HEXB: variants seen among roughly 807,000 people sequenced by gnomAD.
HEXB encodes hexosaminidase subunit beta.
In HEXB, 51 loss-of-function variants were observed where a neutral mutation model predicts 71.2. The observed-to-expected ratio is 0.72, with a 90% CI of 0.57 to 0.90. The LOEUF (loss-of-function observed/expected upper bound fraction) is 0.90. HEXB is among the 40% of genes least tolerant of loss of function. The pLI is 0.00. For synonymous variants in HEXB, 266 were observed against 249.3 expected (o/e 1.07, Z -0.63); for missense variants, 617 against 677.0 (o/e 0.91, Z 0.98).
chr5:74,677,490 C>CTTCT (rs764121943), intron 1 of HEXB, among the ~76,000 whole-genome samples: 10 of 77,278 alleles, frequency 1.3e-4, no homozygotes, highest in African/African-American at 8.6e-5. Flanking sequence ...TCTTCTTCTT[C>CTTCT]TTTTTTTTTT....
chr5:74,670,619 C>T (rs1287490188), intron 1 of HEXB, among the ~76,000 whole-genome samples: 4 of 152,328 alleles, frequency 2.6e-5, no homozygotes, highest in Middle Eastern at 3.4e-3. Context: ...GGGCAAGATG[C>T]TAACAGAACT....
At chr5:74,659,375 C>T (rs1418557389) in intron 1 of HEXB, among the ~76,000 whole-genome samples, 1 of 152,154 alleles carries the variant, frequency 6.6e-6, no homozygotes, top group Non-Finnish European at 1.5e-5. Context: ...CACACAATCC[C>T]CAGTGCAGGG....
At position 74,716,693 on chromosome 5, in the gene HEXB, A is replaced by G. The variant is rs1177173742; in HGVS notation, c.1169+20A>G. ...TCAAAAGTAAGTTGTTTGAAAGCCT[A>G]TTTCTGTATTAATGCTTTTTGTAAA... On this transcript the variant is annotated intron_variant, in intron 9 of 13. Coordinates refer to ENST00000261416, the MANE Select transcript of HEXB (RefSeq NM_000521.4). 4.3e-6 allele frequency: 6 copies of G among 1,400,154 alleles called. No homozygotes were observed. In the East Asian group the frequency reaches 1.4e-4, roughly 32 times the overall value. 86.7% of individuals were successfully genotyped at this position (1,400,154 alleles called of 1,614,324 possible).
rs189557217 is a variant in HEXB at position 74,657,136 on chromosome 5, G to T, written c.-377+16578G>T. On this transcript the variant is annotated intron_variant, in intron 1 of 13. Transcript: ENST00000511181. ...ACACAGAACCTCCCAGACTGTTGGT[G>T]GGGAGGGGTCGTGTGTGTGAATTTT... Among the ~76,000 whole-genome samples, 3 of 152,196 alleles carry T rather than the reference G, an allele frequency of 2.0e-5. No individual in the cohort carries two copies. The East Asian group carries it at 5.8e-4, about 29-fold the overall frequency.
At chr5:74,649,622 T>C (rs941852136) in intron 1 of HEXB, among the ~76,000 whole-genome samples, 3 of 152,236 alleles carry the variant, frequency 2.0e-5, no homozygotes, top group Admixed American at 1.3e-4. Context: ...AGTGGATTTC[T>C]AAGAAATGAT....
At chr5:74,689,635 C>T in intron 2 of HEXB, 162 bp downstream of exon 2, 1 of 685,516 alleles carries the variant, frequency 1.5e-6, no homozygotes, top group Non-Finnish European at 2.6e-6. Flanking sequence ...AAAAGTAGTA[C>T]ATAGTCTTTG....
chr5:74,656,858 C>T (rs542256879), intron 1 of HEXB, among the ~76,000 whole-genome samples: 118 of 152,270 alleles, frequency 7.7e-4, no homozygotes, highest in Non-Finnish European at 1.2e-3. Flanking sequence ...GTGATCCACC[C>T]GCCTCAGCCT....
At position 74,689,389 on chromosome 5, in the gene HEXB, A is replaced by G; in HGVS notation, c.361A>G (p.Lys121Glu). The G allele has an allele frequency of 6.2e-7, 1 of 1,612,064 alleles. No homozygotes were observed. Among genetic ancestry groups the G allele is most frequent in the Non-Finnish European group, 8.5e-7 (1 of 1,178,096 alleles). ...WHHEPAEFQA[K>E]TQVQQLLVSI... ...TCATGAACCTGCTGAATTCCAGGCT[A>G]AAACCCAGGTTCAGCAACTTCTTGT... Residue 121 changes from lysine to glutamate, a missense_variant, in exon 2 of 14, where the codon AAA (lysine) becomes GAA (glutamate). Physicochemically the swap from Lys to Glu is moderately conservative, Grantham distance 56 (BLOSUM62 1). Transcript: ENST00000261416.
intron 8 of HEXB, 40 bp from the exon 9 acceptor site, chr5:74,716,547 A>G: frequency 7.9e-7 from 1 of 1,270,502 alleles, no homozygotes; most frequent in Non-Finnish European, 1.1e-6. Flanking sequence ...AACTGAGCAT[A>G]TCAAACTTCT....
chr5:74,669,308 T>C (rs988608765), intron 1 of HEXB, among the ~76,000 whole-genome samples: 1 of 152,206 alleles, frequency 6.6e-6, no homozygotes, highest in Non-Finnish European at 1.5e-5. Flanking sequence ...TAACTATTTT[T>C]TTTTTCAGTT....
At chr5:74,674,454 A>G (rs1464559001) in intron 1 of HEXB, among the ~76,000 whole-genome samples, 7 of 152,042 alleles carry the variant, frequency 4.6e-5, no homozygotes, top group Admixed American at 4.6e-4. Context: ...ATACGAAAAA[A>G]TTAGCCAGGT....
intron 1 of HEXB, among the ~76,000 whole-genome samples, chr5:74,654,713 C>G (rs1015533561): frequency 7.9e-5 from 12 of 152,084 alleles, no homozygotes; most frequent in African/African-American, 2.9e-4. Flanking sequence ...CCACAGGGAA[C>G]CTCTGAAAGG....
chr5:74,674,560 C>A (rs1267576752), intron 1 of HEXB, among the ~76,000 whole-genome samples: 1 of 144,390 alleles, frequency 6.9e-6, no homozygotes, highest in African/African-American at 2.6e-5. Flanking sequence ...GCTGAGATTG[C>A]GCCACTGCAC....
intron 6 of HEXB, among the ~76,000 whole-genome samples, chr5:74,710,476 T>G (rs1404064696): frequency 6.6e-6 from 1 of 152,048 alleles, no homozygotes; most frequent in African/African-American, 2.4e-5. Context: ...GGTATTCAAT[T>G]AGGAAAAGAG....
chr5:74,680,040 T>C (rs985426514), intron 1 of HEXB, among the ~76,000 whole-genome samples: 9 of 152,202 alleles, frequency 5.9e-5, no homozygotes, highest in African/African-American at 1.7e-4. Context: ...TGAAGAGATG[T>C]GTGGAAGTGG....
At chr5:74,706,733 G>T (rs1004344814) in intron 6 of HEXB, among the ~76,000 whole-genome samples, 4 of 152,174 alleles carry the variant, frequency 2.6e-5, no homozygotes, top group Non-Finnish European at 4.4e-5. Flanking sequence ...AGGCGGCAGC[G>T]AGGCTGGGGG....
chr5:74,679,555 C>T (rs1228974563), intron 1 of HEXB, among the ~76,000 whole-genome samples: 1 of 152,086 alleles, frequency 6.6e-6, no homozygotes, highest in East Asian at 1.9e-4. Flanking sequence ...AATTCCAGCA[C>T]TTTGGGAGGC....
intron 1 of HEXB, among the ~76,000 whole-genome samples, chr5:74,660,386 T>G (rs1459673718): frequency 6.6e-6 from 1 of 152,208 alleles, no homozygotes; most frequent in Admixed American, 6.5e-5. Flanking sequence ...CTAGGAGGTA[T>G]CTGGGAAAAT....
chr5:74,665,696 T>C (rs1580366980), intron 1 of HEXB, among the ~76,000 whole-genome samples: 1 of 152,144 alleles, frequency 6.6e-6, no homozygotes, highest in East Asian at 1.9e-4. Flanking sequence ...CATAAACAAC[T>C]GCAAGACCAA....
Sources: allele counts gnomAD v4.1 joint callset (sites outside exome capture counted in the v4.1 genomes callset), GRCh38; gene constraint gnomAD v4.1.1; transcripts MANE v1.5; gene names NCBI Gene and HGNC (gene_info 2026-07-23, HGNC 2026-07-21).